Variants in PCDHGA3 observed in about 807,000 individuals in gnomAD.
PCDHGA3 encodes the protein protocadherin gamma subfamily A, 3.
Under a neutral mutation model 58.5 loss-of-function variants are expected in PCDHGA3, and 40 were observed. The observed-to-expected ratio is 0.68, with a 90% CI of 0.53 to 0.89. PCDHGA3 has a LOEUF of 0.89. Ranked by LOEUF, PCDHGA3 falls within the 40% of genes least tolerant of loss-of-function variation. The pLI is 0.00. For synonymous variants in PCDHGA3, 530 were observed against 525.7 expected (o/e 1.01, Z -0.11); for missense variants, 1,223 against 1,195.9 (o/e 1.02, Z -0.33).
In PCDHGA3 at chr5:141,490,134, C is replaced by G; in HGVS notation, c.2425-4673C>G. On this transcript the variant is annotated intron_variant, in intron 1 of 3. Transcript: ENST00000253812. This position sits in a 1 kb window ranked among gnomAD's most constrained non-coding sequence, Gnocchi z 5.4. ...GGAACCTCTTTGGCCTAGACCCTAG[C>G]AGTGGGGCAATCCATGTGTTGGGTC... The G allele has an allele frequency of 1.2e-6, 2 of 1,614,232 alleles. No homozygotes were observed. The highest frequency in any genetic ancestry group is 1.7e-6 in the Non-Finnish European group (2 of 1,180,030).
In PCDHGA3 at chr5:141,478,818, C is replaced by T. The variant is rs980032138; in HGVS notation, c.2425-15989C>T. ...AGCACTCTTTTGCTATCACAACTAA[C>T]CAATCTTGCTAAGGGATGGTTAAGC... On this transcript the variant is annotated intron_variant, in intron 1 of 3. Transcript: ENST00000253812. The T allele has an allele frequency of 2.1e-5, 30 of 1,449,330 alleles. No individual in the cohort carries two copies. The African/African-American group carries it at 3.3e-4, about 16-fold the overall frequency. 89.8% of individuals were successfully genotyped at this position (1,449,330 alleles called of 1,614,324 possible). A position where few individuals can be genotyped will look rare whatever the true frequency, so the allele number is the denominator to read the frequency against.
At chr5:141,444,659 C>G (rs2098443878) in intron 1 of PCDHGA3, among the ~76,000 whole-genome samples, 1 of 152,032 alleles carries the variant, frequency 6.6e-6, no homozygotes, top group African/African-American at 2.4e-5. Context: ...GAAGTTATTT[C>G]CCATTTTTTT....
chr5:141,510,944 C>T lies in PCDHGA3; in HGVS notation c.2573-3C>T, dbSNP rs772921698. 2 of 1,614,120 alleles carry T rather than the reference C, an allele frequency of 1.2e-6. No individual in the cohort carries two copies. Among genetic ancestry groups the T allele is most frequent in the South Asian group, 2.2e-5 (2 of 91,080 alleles). On this transcript the variant is annotated splice_region_variant and splice_polypyrimidine_tract_variant and intron_variant, in intron 3 of 3. Transcript: ENST00000253812. Reference sequence around the variant, plus strand: ...CCCACCTGATCTTCCTCTGTCTCTGCAGAAGCTGCTGATGGGAGCTCCACC... The same window carrying T: ...CCCACCTGATCTTCCTCTGTCTCTGTAGAAGCTGCTGATGGGAGCTCCACC...
intron 1 of PCDHGA3, chr5:141,351,749 C>A: frequency 1.2e-6 from 2 of 1,613,660 alleles, no homozygotes; most frequent in Non-Finnish European, 1.7e-6. Flanking sequence ...GCCGCGGGAG[C>A]TGTTGTCCTA....
At chr5:141,426,445 A>T (rs2096937062) in intron 1 of PCDHGA3, 1 of 310,256 alleles carries the variant, frequency 3.2e-6, no homozygotes, top group East Asian at 8.0e-5. Context: ...TGCGGAGGAC[A>T]TGCGGCTGCA....
intron 2 of PCDHGA3, among the ~76,000 whole-genome samples, chr5:141,495,107 AC>A (rs1422274779): frequency 1.3e-5 from 2 of 152,048 alleles, no homozygotes; most frequent in Non-Finnish European, 2.9e-5. Context: ...CACGACCGGC[AC>A]CTTTTCCTAT....
At chr5:141,500,500 C>T (rs6872480) in intron 2 of PCDHGA3, among the ~76,000 whole-genome samples, 1,599 of 152,210 alleles carry the variant, frequency 0.011, 36 homozygotes, top group African/African-American at 0.036. Context: ...TGAGCCACCG[C>T]GCCTGGCCGA....
intron 1 of PCDHGA3, chr5:141,414,780 G>A (rs2095787223): frequency 1.2e-6 from 2 of 1,614,232 alleles, no homozygotes; most frequent in Non-Finnish European, 1.7e-6. Context: ...TACAGATGCA[G>A]GTGACAGCCA....
chr5:141,380,927 T>C (rs1776861991), intron 1 of PCDHGA3, among the ~76,000 whole-genome samples: 2 of 152,248 alleles, frequency 1.3e-5, no homozygotes, highest in African/African-American at 2.4e-5. Context: ...TTAATAATCA[T>C]ACACTTTGCT....
rs749781059 is a variant in PCDHGA3 at position 141,477,983 on chromosome 5, C to G, written c.2425-16824C>G. On this transcript the variant is annotated intron_variant, in intron 1 of 3. Coordinates refer to ENST00000253812, the MANE Select transcript of PCDHGA3 (RefSeq NM_018916.4). This position sits in a 1 kb window ranked among gnomAD's most constrained non-coding sequence, Gnocchi z 4.9. ...TAACCAGAGCCTTTTTGCCATAGGG[C>G]TGCACACTGGTCAAATCAGTACTGC... The G allele has an allele frequency of 1.7e-5, 27 of 1,614,126 alleles. No homozygotes were observed. The highest frequency in any genetic ancestry group is 2.3e-5 in the Non-Finnish European group (27 of 1,180,024).
At chr5:141,422,862 C>T in intron 1 of PCDHGA3, 1 of 1,614,270 alleles carries the variant, frequency 6.2e-7, no homozygotes, top group Non-Finnish European at 8.5e-7. Flanking sequence ...CCCTCAGCAG[C>T]AACGTGTCGC....
chr5:141,399,735 T>A (rs909521642), intron 1 of PCDHGA3: 1 of 1,613,198 alleles, frequency 6.2e-7, no homozygotes, highest in African/African-American at 1.3e-5. Flanking sequence ...AGGGCTCGCC[T>A]GCGCTCAGCG....
At chr5:141,418,718 A>G (rs1334115906) in intron 1 of PCDHGA3, 4 of 1,613,912 alleles carry the variant, frequency 2.5e-6, no homozygotes, top group Non-Finnish European at 3.4e-6. Flanking sequence ...TGTGGCTGAC[A>G]AAGCTCAGCA....
intron 2 of PCDHGA3, 76 bp from the exon 3 acceptor site, chr5:141,505,317 G>T: frequency 6.2e-7 from 1 of 1,603,092 alleles, no homozygotes. Flanking sequence ...AGGTTTGGGA[G>T]CCCTGGGAGA....
intron 1 of PCDHGA3, among the ~76,000 whole-genome samples, chr5:141,347,396 C>T (rs1254792805): frequency 6.6e-6 from 1 of 152,026 alleles, no homozygotes; most frequent in Admixed American, 6.6e-5. Context: ...CTCAAGTGAT[C>T]TGCCCACGTC....
Position 141,431,451 on chromosome 5 carries a change from T to C in PCDHGA3, c.2425-63356T>C. On this transcript the variant is annotated intron_variant, in intron 1 of 3. Transcript: ENST00000253812. The surrounding 1 kb of genome is among the most constrained non-coding windows in gnomAD (Gnocchi z 4.8). ...ACAGGCACCGCGCGCATCCGCGTGA[T>C]GGTTCTGGATGCGAACGACAACGCA... The C allele has an allele frequency of 6.2e-7, 1 of 1,613,762 alleles. No individual in the cohort carries two copies. Among genetic ancestry groups the C allele is most frequent in the African/African-American group, 1.3e-5 (1 of 75,072 alleles).
At chr5:141,374,051 C>T in intron 1 of PCDHGA3, 1 of 1,476,382 alleles carries the variant, frequency 6.8e-7, no homozygotes, top group Non-Finnish European at 9.0e-7. Context: ...TCTTCCTCTT[C>T]TTAATCCCAG....
chr5:141,485,185 G>C lies in PCDHGA3; in HGVS notation c.2425-9622G>C. On this transcript the variant is annotated intron_variant, in intron 1 of 3. Transcript: ENST00000253812. This position sits in a 1 kb window ranked among gnomAD's most constrained non-coding sequence, Gnocchi z 5.7. ...AGCGGGCGGCAGCAATGCTCCGCAA[G>C]GTGAGAAGCTGGACAGAAATCTGGC... 6.2e-7 allele frequency: 1 copy of C among 1,613,528 alleles called. No homozygotes were observed. Among genetic ancestry groups the C allele is most frequent in the Non-Finnish European group, 8.5e-7 (1 of 1,179,492 alleles).
At chr5:141,414,334 A>C in intron 1 of PCDHGA3, 1 of 1,613,782 alleles carries the variant, frequency 6.2e-7, no homozygotes, top group Non-Finnish European at 8.5e-7. Flanking sequence ...TGGACAGGTA[A>C]CCTGTTCCAT....
Sources: gnomAD v4.1 joint callset for allele counts (sites outside exome capture counted in the v4.1 genomes callset) on GRCh38, gnomAD v4.1.1 for gene constraint, Gnocchi (gnomAD v3.1) non-coding constraint, MANE v1.5 for transcripts, NCBI Gene and HGNC (gene_info 2026-07-23, HGNC 2026-07-21) for gene names.